PRDX4: variants seen among roughly 807,000 people sequenced by gnomAD.
PRDX4 encodes peroxiredoxin-4.
Under a neutral mutation model 20.5 loss-of-function variants are expected in PRDX4, and 12 were observed. The ratio of observed to expected loss-of-function variants is 0.58; its 90% CI spans 0.37 to 0.95. The LOEUF (loss-of-function observed/expected upper bound fraction) is 0.95, where lower values mean the gene tolerates loss of function less well. PRDX4 is among the 40% of genes least tolerant of loss of function. The pLI, the probability that PRDX4 is intolerant of heterozygous loss-of-function variation, is 0.01. For synonymous variants in PRDX4, 99 were observed against 87.5 expected, an observed-to-expected ratio of 1.13 and a Z score of -0.73; for missense variants, 180 against 207.3, an observed-to-expected ratio of 0.87 and a Z score of 0.81.
At chrX:23,675,246 T>C (rs1001906171) in intron 3 of PRDX4, 140 bp downstream of exon 3, 1 of 1,069,709 alleles carries the variant, frequency 9.3e-7, no homozygotes, top group Non-Finnish European at 1.2e-6. Context: ...GAGTAATACA[T>C]GTAACTACAC....
chrX:23,682,393 C>T lies in PRDX4; in HGVS notation c.600-3C>T. The stretch of plus-strand genomic sequence containing the variant: ...TCATCTCTACCATTCTTCTGTTTTA[C>T]AGAGGTCTCTTCATTATTGATGACA... On this transcript the variant is annotated splice_polypyrimidine_tract_variant and splice_region_variant and intron_variant, in intron 4 of 6. Transcript: ENST00000379341. 2.1e-5 allele frequency: 24 copies of T among 1,143,824 alleles called. No homozygotes were observed. Among genetic ancestry groups the T allele is most frequent in the East Asian group, 3.3e-5 (1 of 30,330 alleles). The allele number at this position is 1,143,824 out of a possible 1,213,427, so 94.3% of individuals were successfully genotyped here.
intron 2 of PRDX4, among the ~76,000 whole-genome samples, chrX:23,672,079 G>A (rs1048142381): frequency 9.0e-6 from 1 of 111,440 alleles, no homozygotes; most frequent in African/African-American, 3.3e-5. Context: ...TGGCCAACAT[G>A]GTAAAACCCC....
At chrX:23,678,534 G>A (rs1480531176) in intron 3 of PRDX4, among the ~76,000 whole-genome samples, 1 of 110,578 alleles carries the variant, frequency 9.0e-6, no homozygotes, top group African/African-American at 3.3e-5. Context: ...GGAAGCTGAG[G>A]CAGGAGAATC....
intron 6 of PRDX4, among the ~76,000 whole-genome samples, chrX:23,685,825 T>G (rs1256482156): frequency 8.2e-5 from 9 of 109,867 alleles, no homozygotes; most frequent in African/African-American, 6.6e-5. Context: ...TTTTTTGTTT[T>G]TTTTTTTTTA....
Position 23,686,283 on chromosome X carries a change from A to C in PRDX4, c.766-2A>C. On this transcript the variant is annotated splice_acceptor_variant, in intron 6 of 6. Transcript: ENST00000379341. LOFTEE classifies it high-confidence loss of function. The stretch of plus-strand genomic sequence containing the variant: ...TTTCCTTTCTTCGTTTTGTTTTAAC[A>C]GATAATCCCAGATCCAGCTGGAAAG... 2 of 1,170,487 alleles carry C rather than the reference A, an allele frequency of 1.7e-6. No individual in the cohort carries two copies. The highest frequency in any genetic ancestry group is 1.1e-6 in the Non-Finnish European group (1 of 871,619).
chrX:23,674,933 G>A, intron 2 of PRDX4, 57 bp from the exon 3 acceptor site: 1 of 1,160,681 alleles, frequency 8.6e-7, no homozygotes, highest in East Asian at 3.0e-5. Flanking sequence ...TCATTTGAAA[G>A]TTTAGGTATA....
chrX:23,667,633 T>TCTGCTGCCGCTACTGCTGTTC lies in PRDX4; in HGVS notation c.73_93dup (p.Leu25_Pro31dup), dbSNP rs776686023. On this transcript the variant is annotated inframe_insertion, in exon 1 of 7. Transcript: ENST00000379341. ...ACCACGGCCGCCACCGAAGGCTGCTTCTGCTGCCGCTACTGCTGTTCCTGC... is the reference window on the plus strand; with the variant it reads ...ACCACGGCCGCCACCGAAGGCTGCTTCTGCTGCCGCTACTGCTGTTCCTGCTGCCGCTACTGCTGTTCCTGC... The TCTGCTGCCGCTACTGCTGTTC allele has an allele frequency of 3.3e-6, 4 of 1,201,224 alleles. No individual in the cohort carries two copies. In the South Asian group the frequency reaches 7.2e-5, roughly 22 times the overall value.
chrX:23,682,853 AATATATATATATAT>A (rs1173209030), intron 5 of PRDX4, among the ~76,000 whole-genome samples: 1 of 14,877 alleles, frequency 6.7e-5, no homozygotes, highest in African/African-American at 2.2e-4. Context: ...AAAAAAAAAA[AATATATATATATAT>A]ATATATATAT....
chrX:23,680,029 C>G (rs1322446974), intron 4 of PRDX4, among the ~76,000 whole-genome samples: 1 of 112,441 alleles, frequency 8.9e-6, no homozygotes, highest in African/African-American at 3.2e-5. Flanking sequence ...TTCTATTAGT[C>G]TTTAAACTAC....
Position 23,682,511 on chromosome X carries a change from G to A in PRDX4, c.715G>A (p.Asp239Asn). The A allele has an allele frequency of 8.6e-7, 1 of 1,165,006 alleles. No homozygotes were observed. Among genetic ancestry groups the A allele is most frequent in the East Asian group, 3.2e-5 (1 of 31,027 alleles). The change falls in exon 5 of 7, where the codon GAC (aspartate) becomes AAC (asparagine). Residue 239 changes from aspartate (D) to asparagine (N), a missense_variant. Physicochemically the swap from Asp to Asn is conservative, Grantham distance 23. Transcript: ENST00000379341. ...LRLVQAFQYT[D>N]KHGEVCPAGW... ...TTTGGTTCAAGCATTCCAGTACACT[G>A]ACAAACACGGAGAAGGTACCTCTCC...
At chrX:23,669,629 C>T (rs1422030361) in intron 1 of PRDX4, among the ~76,000 whole-genome samples, 5 of 111,360 alleles carry the variant, frequency 4.5e-5, no homozygotes, top group East Asian at 2.8e-4. Flanking sequence ...TAAAAAAGAA[C>T]GGAAAGGCCA....
At chrX:23,680,154 AAG>A (rs1482095804) in intron 4 of PRDX4, among the ~76,000 whole-genome samples, 2 of 112,211 alleles carry the variant, frequency 1.8e-5, no homozygotes, top group African/African-American at 3.2e-5. Flanking sequence ...TTACAGATAA[AAG>A]AGACAGATTC....
At position 23,681,707 on chromosome X, in the gene PRDX4, G is replaced by C. The variant is rs188872987; in HGVS notation, c.600-689G>C. ...AACCAAGTAAAATTATCTAACGTTAGCTATATTATTTGACCTGAGCCAGTA... is the reference window on the plus strand; with the variant it reads ...AACCAAGTAAAATTATCTAACGTTACCTATATTATTTGACCTGAGCCAGTA... On this transcript the variant is annotated intron_variant, in intron 4 of 6. Transcript: ENST00000379341. Among the ~76,000 whole-genome samples the C allele has an allele frequency of 8.1e-3, 911 of 112,078 alleles. 6 individuals are homozygous for C. Among genetic ancestry groups the C allele is most frequent in the Non-Finnish European group, 9.8e-3 (524 of 53,243 alleles).
chrX:23,667,511 G>C lies in PRDX4; in HGVS notation c.-60G>C. 8.9e-7 allele frequency: 1 copy of C among 1,124,951 alleles called. No homozygotes were observed. Among genetic ancestry groups the C allele is most frequent in the Non-Finnish European group, 1.2e-6 (1 of 855,560 alleles). The allele number at this position is 1,124,951 out of a possible 1,213,427, so 92.7% of individuals were successfully genotyped here. On this transcript the variant is annotated 5_prime_UTR_variant, in exon 1 of 7. Coordinates refer to ENST00000379341, the MANE Select transcript of PRDX4 (RefSeq NM_006406.2). ...GGGCGTCGTGCACGCGGTTGTAGCTGCCCGGCGGCGGCAGAAGCGGCGCTC... is the reference window on the plus strand; with the variant it reads ...GGGCGTCGTGCACGCGGTTGTAGCTCCCCGGCGGCGGCAGAAGCGGCGCTC...
At chrX:23,683,816 G>A (rs773674631) in intron 6 of PRDX4, 111 bp downstream of exon 6, 242 of 569,419 alleles carry the variant, frequency 4.2e-4, no homozygotes, top group East Asian at 3.3e-3. Context: ...AGGCTGAGGC[G>A]GGCAGATCAC....
At chrX:23,676,870 A>G (rs1293933778) in intron 3 of PRDX4, among the ~76,000 whole-genome samples, 2 of 110,552 alleles carry the variant, frequency 1.8e-5, no homozygotes, top group Non-Finnish European at 3.8e-5. Flanking sequence ...GGGTCTTACT[A>G]TGTTGCCCAG....
intron 2 of PRDX4, among the ~76,000 whole-genome samples, chrX:23,673,491 G>A (rs1338337680): frequency 1.8e-5 from 2 of 112,586 alleles, no homozygotes; most frequent in East Asian, 2.8e-4. Flanking sequence ...AGTGGCTCAC[G>A]CCTGTAATCC....
At chrX:23,670,907 A>G (rs2146786161) in intron 1 of PRDX4, among the ~76,000 whole-genome samples, 1 of 112,395 alleles carries the variant, frequency 8.9e-6, no homozygotes, top group African/African-American at 3.2e-5. Flanking sequence ...GAAGACTGCC[A>G]TTAGAGAAAG....
intron 2 of PRDX4, among the ~76,000 whole-genome samples, chrX:23,673,844 A>T (rs1482650873): frequency 9.1e-6 from 1 of 109,921 alleles, no homozygotes; most frequent in Admixed American, 1.0e-4. Context: ...GTTTCCAGGG[A>T]CATCATCCGA....
Sources: gnomAD v4.1 joint callset for allele counts (sites outside exome capture counted in the v4.1 genomes callset) on GRCh38, gnomAD v4.1.1 for gene constraint, MANE v1.5 for transcripts, NCBI Gene and HGNC (gene_info 2026-07-23, HGNC 2026-07-21) for gene names.